The following NCOA7 variants were observed in gnomAD, a reference collection of about 807,000 sequenced individuals.
NCOA7 encodes the protein 140 kDa estrogen receptor-associated protein.
NCOA7 carries 45 observed loss-of-function variants against 104.3 expected under a neutral mutation model. The ratio of observed to expected loss-of-function variants is 0.43; its 90% confidence interval spans 0.34 to 0.55. The LOEUF is 0.55. Among genes scored for constraint, NCOA7 ranks in the 20% least tolerant of loss-of-function variants. The pLI is 0.02. For missense variants in NCOA7, 1,041 were observed against 1,119.7 expected, an observed-to-expected ratio of 0.93 and a Z score of 1.00; for synonymous variants, 398 against 402.3, an observed-to-expected ratio of 0.99 and a Z score of 0.13.
At chr6:125,896,497 A>C (rs1201402312) in intron 10 of NCOA7, among the ~76,000 whole-genome samples, 2 of 152,210 alleles carry the variant, frequency 1.3e-5, no homozygotes, top group African/African-American at 4.8e-5. Flanking sequence ...TCCTTTAATA[A>C]ATAGATTTTA....
chr6:125,919,404 C>G, intron 11 of NCOA7: 1 of 1,612,706 alleles, frequency 6.2e-7, no homozygotes. Flanking sequence ...TCTATTGTGC[C>G]AGACCTGACG....
chr6:125,915,669 GGCACACAGTTCATTCT>G (rs1455182256), intron 11 of NCOA7, among the ~76,000 whole-genome samples, 189 bp downstream of exon 11: 2 of 152,006 alleles, frequency 1.3e-5, no homozygotes, highest in African/African-American at 4.8e-5. Flanking sequence ...TATGTACACA[GGCACACAGTTCATTCT>G]GACCACACTA....
intron 2 of NCOA7, among the ~76,000 whole-genome samples, chr6:125,830,735 A>ATGTG (rs779830277): frequency 0.049 from 6,466 of 133,108 alleles, 184 homozygotes; most frequent in East Asian, 0.091. Flanking sequence ...ATATATATAT[A>ATGTG]TATGTGTGTG....
At chr6:125,881,276 T>TC in intron 6 of NCOA7, 73 bp downstream of exon 6, 2 of 1,094,658 alleles carry the variant, frequency 1.8e-6, no homozygotes, top group Non-Finnish European at 1.4e-6. Flanking sequence ...CAACATGTTA[T>TC]TTTTCACAAG....
chr6:125,911,722 A>G (rs1048666937), intron 10 of NCOA7, among the ~76,000 whole-genome samples: 2 of 152,226 alleles, frequency 1.3e-5, no homozygotes, highest in South Asian at 2.1e-4. Context: ...GCATTGGTCC[A>G]TTAAGCATCG....
chr6:125,788,698 A>ATTTTTTTTTTTTTT (rs60048395), upstream of NCOA7, among the ~76,000 whole-genome samples: 45 of 121,908 alleles, frequency 3.7e-4, no homozygotes, highest in African/African-American at 5.9e-4. Flanking sequence ...CACCCAGCTA[A>ATTTTTTTTTTTTTT]TTTTTTTTTT....
intron 2 of NCOA7, among the ~76,000 whole-genome samples, chr6:125,826,156 C>A (rs1263135322): frequency 6.6e-6 from 1 of 151,904 alleles, no homozygotes. Context: ...GAAACCCCAT[C>A]TCCACTAAAA....
chr6:125,928,165 T>C lies in NCOA7; in HGVS notation c.2620-9T>C, dbSNP rs747973461. On this transcript the variant is annotated splice_polypyrimidine_tract_variant and intron_variant, in intron 14 of 15. Coordinates refer to ENST00000392477, the MANE Select transcript of NCOA7 (RefSeq NM_181782.5). ...ATGTCTGTTTTCTTTTTTGTGTTTC[T>C]TCCCCAAGGTCTTTAAGTGGAGTGG... is the stretch of plus-strand genomic sequence containing the variant. The C allele has an allele frequency of 5.6e-6, 9 of 1,605,932 alleles. No homozygotes were observed. The Admixed American group carries it at 1.0e-4, about 18-fold the overall frequency.
At chr6:125,843,025 G>T (rs937661307) in intron 2 of NCOA7, among the ~76,000 whole-genome samples, 4 of 152,220 alleles carry the variant, frequency 2.6e-5, no homozygotes, top group African/African-American at 9.6e-5. Context: ...AAGTTAGCCA[G>T]TGTGGTAGGC....
rs79295849 is a variant in NCOA7 at position 125,896,464 on chromosome 6, G to A, written c.2096+5654G>A. Among the ~76,000 whole-genome samples, 553 of 152,264 alleles carry A rather than the reference G, an allele frequency of 3.6e-3. 7 individuals carry two copies. Among genetic ancestry groups the A allele is most frequent in the Non-Finnish European group, 4.2e-3 (288 of 68,018 alleles). ...ATATAAGGTAAGGCCAATTGAGGCC[G>A]GAGAGTTTTGGTTCTGTGTGATTCC... On this transcript the variant is annotated intron_variant, in intron 10 of 15. Coordinates refer to ENST00000392477, the MANE Select transcript of NCOA7 (RefSeq NM_181782.5).
At chr6:125,839,094 A>G (rs758299994) in intron 2 of NCOA7, among the ~76,000 whole-genome samples, 2 of 152,012 alleles carry the variant, frequency 1.3e-5, no homozygotes, top group Non-Finnish European at 2.9e-5. Context: ...TGATTAAATC[A>G]TTAGCCCTTG....
intron 2 of NCOA7, among the ~76,000 whole-genome samples, chr6:125,835,811 G>A (rs9321058): frequency 0.024 from 3,618 of 152,274 alleles, 142 homozygotes; most frequent in African/African-American, 0.08. Flanking sequence ...TAGATTGTAG[G>A]GAGGCCATTG....
intron 2 of NCOA7, among the ~76,000 whole-genome samples, chr6:125,837,843 A>G (rs541728032): frequency 2.1e-4 from 32 of 152,336 alleles, no homozygotes; most frequent in African/African-American, 7.7e-4. Context: ...GAAAGTCCAG[A>G]CCAGGGAACA....
intron 2 of NCOA7, among the ~76,000 whole-genome samples, chr6:125,818,029 CTCTTCCTCCTCT>C (rs891355846): frequency 2.6e-5 from 4 of 151,672 alleles, no homozygotes; most frequent in Admixed American, 2.0e-4. Context: ...CTTCCTGCTC[CTCTTCCTCCTCT>C]TCTTCCTCCT....
At chr6:125,871,969 C>G (rs1782959289) in intron 3 of NCOA7, among the ~76,000 whole-genome samples, 1 of 147,994 alleles carries the variant, frequency 6.8e-6, no homozygotes, top group South Asian at 2.1e-4. Flanking sequence ...TGCACCCCAG[C>G]CTGGGTGACA....
At chr6:125,836,952 A>G (rs892839957) in intron 2 of NCOA7, among the ~76,000 whole-genome samples, 2 of 152,154 alleles carry the variant, frequency 1.3e-5, no homozygotes, top group African/African-American at 4.8e-5. Context: ...AACATTTATG[A>G]TAGGAAATTC....
chr6:125,825,732 C>A, intron 2 of NCOA7, among the ~76,000 whole-genome samples: 1 of 151,234 alleles, frequency 6.6e-6, no homozygotes, highest in East Asian at 1.9e-4. Flanking sequence ...GCTCCAACAT[C>A]TTTTTTTTTG....
chr6:125,919,403 C>T, intron 11 of NCOA7: 3 of 1,612,692 alleles, frequency 1.9e-6, no homozygotes, highest in Non-Finnish European at 2.5e-6. Context: ...TTCTATTGTG[C>T]CAGACCTGAC....
intron 1 of NCOA7, among the ~76,000 whole-genome samples, chr6:125,801,068 G>A (rs1357332392): frequency 6.6e-6 from 1 of 152,132 alleles, no homozygotes; most frequent in African/African-American, 2.4e-5. Context: ...ATGACACAAG[G>A]TAGCATAAGT....
Sources: allele counts gnomAD v4.1 joint callset (sites outside exome capture counted in the v4.1 genomes callset), GRCh38; gene constraint gnomAD v4.1.1; transcripts MANE v1.5; gene names NCBI Gene and HGNC (gene_info 2026-07-23, HGNC 2026-07-21).